Variants in USP46 observed in about 807,000 individuals in gnomAD.
USP46 encodes ubiquitin specific peptidase 46.
In USP46, 12 loss-of-function variants were observed where a neutral mutation model predicts 44.4. The ratio of observed to expected loss-of-function variants is 0.27; its 90% CI spans 0.17 to 0.44. The LOEUF (loss-of-function observed/expected upper bound fraction) is 0.44. Among genes scored for constraint, USP46 ranks in the 20% least tolerant of loss-of-function variants. The probability of loss-of-function intolerance (pLI) is 1.00; values close to 1 mark genes in which losing one functional copy is unlikely to be tolerated. For synonymous variants in USP46, 155 were observed against 161.5 expected (o/e 0.96, Z 0.31); for missense variants, 248 against 444.8 (o/e 0.56, Z 3.98).
rs549938364 is a variant in USP46 at position 52,613,576 on chromosome 4, G to A, written c.562-2959C>T. Among the ~76,000 whole-genome samples, 5 of 152,124 alleles carry A rather than the reference G, an allele frequency of 3.3e-5. No homozygotes were observed. The South Asian group carries it at 1.0e-3, about 32-fold the overall frequency. ...GTCTCTACTAAAAATACAAAAATTA[G>A]CTGGGTGCGGTGGCAGGCGCCTGTA... On this transcript the variant is annotated intron_variant, in intron 4 of 8. Coordinates refer to ENST00000441222, the MANE Select transcript of USP46 (RefSeq NM_022832.4).
rs772162295 is a variant in USP46, at chr4:52,604,506, C to T, written c.717G>A (p.Gln239=). 7 of 1,611,890 alleles carry T rather than the reference C, an allele frequency of 4.3e-6. No homozygotes were observed. In the South Asian group the frequency reaches 7.7e-5, roughly 18 times the overall value. ...CETCCSKQEA[Q]KRMRVKKLPM... ...TGAGCTAAATCTTTACCTACCTTTT[C>T]TGGGCTTCTTGTTTGCTGCAGCATG... Residue 239 remains glutamine, a synonymous_variant, in exon 6 of 9, where the codon CAG becomes CAA. Coordinates refer to ENST00000441222, the MANE Select transcript of USP46 (RefSeq NM_022832.4).
At chr4:52,656,124 A>G (rs761132868) in intron 1 of USP46, among the ~76,000 whole-genome samples, 10 of 152,286 alleles carry the variant, frequency 6.6e-5, no homozygotes, top group East Asian at 1.9e-4. Flanking sequence ...TTCTGAACAC[A>G]TATCAGCCTG....
intron 2 of USP46, among the ~76,000 whole-genome samples, chr4:52,628,924 C>T (rs1427635962): frequency 6.6e-6 from 1 of 152,162 alleles, no homozygotes; most frequent in Non-Finnish European, 1.5e-5. Context: ...AGCATGGATA[C>T]TGAGATTATT....
At chr4:52,608,732 C>CG (rs1228228995) in intron 5 of USP46, among the ~76,000 whole-genome samples, 1 of 152,192 alleles carries the variant, frequency 6.6e-6, no homozygotes, top group Non-Finnish European at 1.5e-5. Context: ...TAAATCTTCC[C>CG]GGGTGATTCC....
rs11944011 is a variant in USP46, at chr4:52,610,545, G to C, written c.634C>G (p.Leu212Val). 1.2e-6 allele frequency: 2 copies of C among 1,613,808 alleles called. No individual in the cohort carries two copies. Among genetic ancestry groups the C allele is most frequent in the African/African-American group, 1.3e-5 (1 of 75,042 alleles). ...ACTGCCTCAGAGTTCATATACCTTA[G>C]ACAGTGGGTAATGGATGTATTCTGC... ...VEQNTSITHC[L>V]RDFSNTETLC... Residue 212 changes from leucine (L) to valine (V), a missense_variant, in exon 5 of 9, where the codon CTA becomes GTA. Leu to Val is a conservative substitution (Grantham distance 32). This residue lies in a region of USP46 where 98 missense variants were observed against 218.2 expected (regional missense o/e 0.45). Transcript: ENST00000441222.
At chr4:52,604,025 C>T (rs1716582221) in intron 6 of USP46, among the ~76,000 whole-genome samples, 1 of 152,130 alleles carries the variant, frequency 6.6e-6, no homozygotes, top group Non-Finnish European at 1.5e-5. Context: ...TAATAATTTC[C>T]TCATGAGTCC....
chr4:52,638,661 G>GA (rs1380965209), intron 1 of USP46, among the ~76,000 whole-genome samples: 3 of 146,516 alleles, frequency 2.0e-5, no homozygotes, highest in Non-Finnish European at 4.5e-5. Context: ...TTTTTTTTAT[G>GA]AAAAAAATAT....
chr4:52,658,139 T>G (rs1307770873), intron 1 of USP46: 5 of 451,052 alleles, frequency 1.1e-5, no homozygotes, highest in African/African-American at 2.0e-5. Context: ...CGGGGTGCAG[T>G]CTAAAGAATG....
chr4:52,633,655 A>G (rs1226820258), intron 1 of USP46, among the ~76,000 whole-genome samples: 1 of 152,230 alleles, frequency 6.6e-6, no homozygotes, highest in African/African-American at 2.4e-5. Flanking sequence ...GGAGAGAGAT[A>G]CCATTAAATC....
rs1340830811 is a variant in USP46, at chr4:52,594,605, G to A, written c.*3035C>T. On this transcript the variant is annotated 3_prime_UTR_variant, in exon 9 of 9. Coordinates refer to ENST00000441222, the MANE Select transcript of USP46 (RefSeq NM_022832.4). ...GTGAATATACAAAGTTGATCAAAAT[G>A]CAATGTTGAAAGATAAAATCCATCT... is the stretch of plus-strand genomic sequence containing the variant. 3 of 152,148 alleles carry A rather than the reference G, an allele frequency of 2.0e-5. No individual in the cohort carries two copies. The highest frequency in any genetic ancestry group is 7.2e-5 in the African/African-American group (3 of 41,438). The allele number at this position is 152,148 out of a possible 1,614,324, so 9.4% of individuals were successfully genotyped here.
At chr4:52,607,649 G>A (rs923084312) in intron 5 of USP46, among the ~76,000 whole-genome samples, 1 of 152,114 alleles carries the variant, frequency 6.6e-6, no homozygotes, top group Admixed American at 6.5e-5. Context: ...CTGGATCACG[G>A]GGGCAGAATT....
chr4:52,617,719 G>T (rs944076071), intron 4 of USP46, among the ~76,000 whole-genome samples: 7 of 152,140 alleles, frequency 4.6e-5, no homozygotes, highest in Non-Finnish European at 7.4e-5. Flanking sequence ...GTTCTGTGGG[G>T]TTTTTTTGTT....
chr4:52,654,043 C>A (rs904887178), intron 1 of USP46, among the ~76,000 whole-genome samples: 1 of 152,004 alleles, frequency 6.6e-6, no homozygotes, highest in African/African-American at 2.4e-5. Context: ...AACTAAATAC[C>A]AGCATTCAAC....
rs1716061319 is a variant in USP46, at chr4:52,592,580, G to C, written c.*5060C>G. 1.1e-5 allele frequency: 3 copies of C among 275,026 alleles called. No individual in the cohort carries two copies. The highest frequency in any genetic ancestry group is 6.5e-5 in the African/African-American group (3 of 45,980). 17.0% of individuals were successfully genotyped at this position (275,026 alleles called of 1,614,324 possible). ...TGTGTAACCCCAGCCGAGCAAGGTG[G>C]CTCTTGCCTGTAATCCCAGCACTTT... On this transcript the variant is annotated 3_prime_UTR_variant, in exon 9 of 9. Coordinates refer to ENST00000441222, the MANE Select transcript of USP46 (RefSeq NM_022832.4).
intron 1 of USP46, among the ~76,000 whole-genome samples, chr4:52,633,319 T>C (rs1410946402): frequency 6.6e-6 from 1 of 152,236 alleles, no homozygotes; most frequent in Non-Finnish European, 1.5e-5. Context: ...TTACCTGTCA[T>C]GTGAGACTTA....
intron 1 of USP46, among the ~76,000 whole-genome samples, chr4:52,645,089 G>A (rs1331537564): frequency 1.3e-5 from 2 of 151,868 alleles, no homozygotes; most frequent in East Asian, 3.9e-4. Context: ...GCCGGACATG[G>A]TGGCATGCAC....
Position 52,659,069 on chromosome 4 carries a change from C to T in USP46, c.36+46G>A, listed in dbSNP as rs763024819. On this transcript the variant is annotated intron_variant, in intron 1 of 8. Transcript: ENST00000441222. This position sits in a 1 kb window ranked among gnomAD's most constrained non-coding sequence, Gnocchi z 4.2. ...TGCAGCTCGGGCTTCCCTTTCTTTG[C>T]CTCGCCGCGAGTCGGGCGCGACCCC... is the stretch of plus-strand genomic sequence containing the variant. 9.1e-6 allele frequency: 14 copies of T among 1,533,988 alleles called. No homozygotes were observed. Among genetic ancestry groups the T allele is most frequent in the South Asian group, 3.6e-5 (3 of 82,474 alleles).
chr4:52,629,232 GCTTC>G (rs1332704035), intron 2 of USP46, among the ~76,000 whole-genome samples: 1 of 152,172 alleles, frequency 6.6e-6, no homozygotes, highest in Admixed American at 6.5e-5. Context: ...AAGATAGAAG[GCTTC>G]CTATTTTTAT....
chr4:52,611,200 C>T (rs1272513975), intron 4 of USP46, among the ~76,000 whole-genome samples: 1 of 152,256 alleles, frequency 6.6e-6, no homozygotes, highest in Non-Finnish European at 1.5e-5. Context: ...CCTGTGCTGT[C>T]CATGACAATG....
Sources: gnomAD v4.1 joint callset for allele counts (sites outside exome capture counted in the v4.1 genomes callset) on GRCh38, gnomAD v4.1.1 for gene constraint, gnomAD v4.1.1 regional missense constraint, Gnocchi (gnomAD v3.1) non-coding constraint, MANE v1.5 for transcripts, NCBI Gene and HGNC (gene_info 2026-07-23, HGNC 2026-07-21) for gene names.